The following C1orf185 variants were observed in gnomAD, a reference collection of about 807,000 sequenced individuals.
C1orf185 encodes the protein uncharacterized protein C1orf185.
C1orf185 carries 13 observed loss-of-function variants against 16.1 expected under a neutral mutation model. That is an observed-to-expected ratio of 0.81 (90% CI 0.53 to 1.28). C1orf185 has a LOEUF of 1.28. Ranked by LOEUF, C1orf185 falls within the 50% of genes most tolerant of loss-of-function variation. The pLI is 0.00. For synonymous variants in C1orf185, 80 were observed against 76.9 expected (o/e 1.04, Z -0.21); for missense variants, 220 against 225.2 (o/e 0.98, Z 0.15).
downstream of C1orf185, among the ~76,000 whole-genome samples, chr1:51,148,403 A>G (rs996508455): frequency 2.6e-5 from 4 of 152,184 alleles, no homozygotes; most frequent in African/African-American, 7.2e-5. Context: ...GATTACAGGC[A>G]TGAGCCACTG....
intron 1 of C1orf185, among the ~76,000 whole-genome samples, chr1:51,105,112 G>A (rs1050948377): frequency 1.3e-5 from 2 of 151,710 alleles, no homozygotes; most frequent in African/African-American, 2.4e-5. Flanking sequence ...TATGTGCCAC[G>A]ACGTCTGGCT....
intron 3 of C1orf185, among the ~76,000 whole-genome samples, chr1:51,126,597 A>T (rs1305500123): frequency 6.6e-6 from 1 of 152,156 alleles, no homozygotes; most frequent in Admixed American, 6.5e-5. Flanking sequence ...GCTTTTGTGA[A>T]ATGATTTTAA....
intron 3 of C1orf185, among the ~76,000 whole-genome samples, chr1:51,142,347 T>A (rs1227326760): frequency 3.9e-5 from 6 of 152,232 alleles, no homozygotes; most frequent in Non-Finnish European, 8.8e-5. Context: ...TCCACGACAG[T>A]TATTTTATAC....
At chr1:51,150,338 A>T (rs1044812952), downstream of C1orf185, among the ~76,000 whole-genome samples, 3 of 151,960 alleles carry the variant, frequency 2.0e-5, no homozygotes, top group Non-Finnish European at 4.4e-5. Flanking sequence ...GACTACAGAC[A>T]TGTGCCAACA....
chr1:51,150,255 G>A (rs1170078559), downstream of C1orf185, among the ~76,000 whole-genome samples: 1 of 150,066 alleles, frequency 6.7e-6, no homozygotes, highest in East Asian at 1.9e-4. Context: ...GCAATGGTGT[G>A]ATCTCAGCTC....
At chr1:51,109,819 T>G (rs1219019150) in intron 1 of C1orf185, among the ~76,000 whole-genome samples, 1 of 152,222 alleles carries the variant, frequency 6.6e-6, no homozygotes, top group East Asian at 1.9e-4. Context: ...TGAAGTCAGA[T>G]AGTGTGATAC....
At chr1:51,103,471 A>C (rs897504744) in intron 1 of C1orf185, among the ~76,000 whole-genome samples, 1 of 149,136 alleles carries the variant, frequency 6.7e-6, no homozygotes, top group Non-Finnish European at 1.5e-5. Context: ...ACAAATAAAA[A>C]CTTGTTGAGT....
intron 1 of C1orf185, among the ~76,000 whole-genome samples, chr1:51,111,301 T>C (rs1646116945): frequency 6.6e-6 from 1 of 151,748 alleles, no homozygotes; most frequent in Admixed American, 6.6e-5. Context: ...ATATAATTCC[T>C]ATAGGTTTTT....
intron 3 of C1orf185, among the ~76,000 whole-genome samples, chr1:51,137,999 G>A (rs1368194867): frequency 6.6e-6 from 1 of 152,142 alleles, no homozygotes; most frequent in Non-Finnish European, 1.5e-5. Flanking sequence ...AGAGCCAAAT[G>A]TTGAAAACAC....
At chr1:51,125,928 TG>T (rs979172638) in intron 3 of C1orf185, among the ~76,000 whole-genome samples, 2 of 152,072 alleles carry the variant, frequency 1.3e-5, no homozygotes, top group African/African-American at 4.8e-5. Flanking sequence ...GTTGCTGAGG[TG>T]GGTGGATTGC....
intron 3 of C1orf185, among the ~76,000 whole-genome samples, chr1:51,123,634 G>A (rs184657626): frequency 3.2e-4 from 48 of 152,242 alleles, no homozygotes; most frequent in African/African-American, 1.0e-3. Context: ...CACCCGCAAT[G>A]CATGAGAGTT....
At chr1:51,145,328 T>G (rs868026767) in intron 3 of C1orf185, among the ~76,000 whole-genome samples, 1 of 151,818 alleles carries the variant, frequency 6.6e-6, no homozygotes, top group Admixed American at 6.6e-5. Flanking sequence ...ATAATAATAA[T>G]AATAATCCCA....
rs1646409172 is a variant in C1orf185 at position 51,147,580 on chromosome 1, A to G, written c.409A>G (p.Thr137Ala). ...NRSSVTLSLS[T>A]LPSDSYYSQS... ...CAGCAGTGTTACATTAAGCTTATCA[A>G]CATTACCATCTGATTCTTATTACAG... The change falls in exon 5 of 5, where the codon ACA becomes GCA. Residue 137 changes from threonine (T) to alanine (A), a missense_variant. Coordinates refer to ENST00000371759, the MANE Select transcript of C1orf185 (RefSeq NM_001136508.2). 2 of 1,551,490 alleles carry G rather than the reference A, an allele frequency of 1.3e-6. No homozygotes were observed. Among genetic ancestry groups the G allele is most frequent in the African/African-American group, 2.7e-5 (2 of 73,052 alleles).
intron 3 of C1orf185, among the ~76,000 whole-genome samples, chr1:51,137,937 A>G (rs1306749190): frequency 6.6e-6 from 1 of 152,222 alleles, no homozygotes; most frequent in Non-Finnish European, 1.5e-5. Context: ...TATCTTTAGC[A>G]AACTAACACA....
intron 2 of C1orf185, 87 bp from the exon 3 acceptor site, chr1:51,118,579 T>G (rs1646174380): frequency 1.2e-6 from 1 of 849,124 alleles, no homozygotes; most frequent in African/African-American, 1.8e-5. Context: ...ATTTTAAAGC[T>G]TTATGTATAA....
chr1:51,139,954 C>T (rs1242458867), intron 3 of C1orf185, among the ~76,000 whole-genome samples: 1 of 152,172 alleles, frequency 6.6e-6, no homozygotes, highest in Non-Finnish European at 1.5e-5. Flanking sequence ...AGATGTGGAA[C>T]CACAGTGTTG....
intron 3 of C1orf185, among the ~76,000 whole-genome samples, chr1:51,145,428 A>G (rs1646392568): frequency 1.3e-5 from 2 of 152,152 alleles, no homozygotes; most frequent in African/African-American, 4.8e-5. Flanking sequence ...ATTATTTTTT[A>G]GCATTCTCTA....
At chr1:51,105,549 A>AATATTTAAT (rs1285130380) in intron 1 of C1orf185, among the ~76,000 whole-genome samples, 13 of 152,286 alleles carry the variant, frequency 8.5e-5, no homozygotes, top group African/African-American at 2.9e-4. Flanking sequence ...TTATCCATTG[A>AATATTTAAT]ATATTTAATC....
At chr1:51,126,011 C>T (rs953601862) in intron 3 of C1orf185, among the ~76,000 whole-genome samples, 5 of 152,078 alleles carry the variant, frequency 3.3e-5, no homozygotes, top group African/African-American at 1.2e-4. Context: ...AAAACAAAAA[C>T]AGGGAACCCC....
Sources: allele counts gnomAD v4.1 joint callset (sites outside exome capture counted in the v4.1 genomes callset), GRCh38; gene constraint gnomAD v4.1.1; transcripts MANE v1.5; gene names NCBI Gene and HGNC (gene_info 2026-07-23, HGNC 2026-07-21).